MME: variants seen among roughly 807,000 people sequenced by gnomAD.
The protein encoded by MME is neprilysin.
In MME, 98 loss-of-function variants were observed where a neutral mutation model predicts 113.2. The observed-to-expected ratio is 0.87, with a 90% CI of 0.74 to 1.02. The LOEUF is 1.02. MME is among the 50% of genes least tolerant of loss of function. The pLI, the probability that MME is intolerant of heterozygous loss-of-function variation, is 0.00. For synonymous variants in MME, 292 were observed against 300.6 expected (o/e 0.97, Z 0.30); for missense variants, 836 against 896.0 (o/e 0.93, Z 0.86).
chr3:155,178,579 G>A (rs905763241), intron 22 of MME, among the ~76,000 whole-genome samples: 3 of 152,040 alleles, frequency 2.0e-5, no homozygotes, highest in South Asian at 2.1e-4. Context: ...GGACTTTGGG[G>A]GTGCAGCAGT....
At position 155,070,783 on chromosome 3, in the gene MME, C is replaced by G. The variant is rs561895179; in HGVS notation, c.-10-13375C>G. Among the ~76,000 whole-genome samples the G allele has an allele frequency of 2.6e-5, 4 of 152,288 alleles. 1 individual carries two copies. The South Asian group carries it at 8.3e-4, about 32-fold the overall frequency. The stretch of plus-strand genomic sequence containing the variant: ...TTAGAAGACGCATTTCTTCACCTTG[C>G]TTGTCCTAGTTTTGATTATCTGGAA... On this transcript the variant is annotated intron_variant, in intron 1 of 22. Transcript: ENST00000492661.
chr3:155,045,461 T>G (rs966285882), intron 1 of MME, among the ~76,000 whole-genome samples: 1 of 152,086 alleles, frequency 6.6e-6, no homozygotes, highest in South Asian at 2.1e-4. Context: ...AAAAATACTT[T>G]TAAGTATTTT....
chr3:155,110,164 G>A (rs1217008090), intron 3 of MME, among the ~76,000 whole-genome samples: 3 of 152,326 alleles, frequency 2.0e-5, no homozygotes, highest in Non-Finnish European at 4.4e-5. Context: ...ACTTGAAAAG[G>A]ACTGGAAAGG....
In MME at chr3:155,044,934, A is replaced by AT. The variant is rs74270351; in HGVS notation, c.-11+20624dup. Among the ~76,000 whole-genome samples, 1,254 of 144,288 alleles carry AT rather than the reference A, an allele frequency of 8.7e-3. 11 individuals are homozygous for AT. Among genetic ancestry groups the AT allele is most frequent in the South Asian group, 0.048 (220 of 4,584 alleles). 94.7% of individuals were successfully genotyped at this position (144,288 alleles called of 152,430 possible). ...ATAGTGTAAGTGAGCTTGGTCTGCA[A>AT]TTTTTTTTTTTTTTGGTGGGAAGTC... On this transcript the variant is annotated intron_variant, in intron 1 of 22. Transcript: ENST00000492661.
In MME at chr3:155,138,092, T is replaced by A; in HGVS notation, c.721-10T>A. The stretch of plus-strand genomic sequence containing the variant: ...TACTCCAACAGTTTAGTGCTATTTT[T>A]TTCTTGCAGGCTTGTACAGCATATG... On this transcript the variant is annotated splice_polypyrimidine_tract_variant and intron_variant, in intron 8 of 22. Transcript: ENST00000360490. 1 of 1,613,680 alleles carries A rather than the reference T, an allele frequency of 6.2e-7. No individual in the cohort carries two copies. The highest frequency in any genetic ancestry group is 8.5e-7 in the Non-Finnish European group (1 of 1,179,712).
intron 1 of MME, among the ~76,000 whole-genome samples, chr3:155,061,263 T>C (rs1410294249): frequency 6.6e-6 from 1 of 151,986 alleles, no homozygotes; most frequent in African/African-American, 2.4e-5. Flanking sequence ...CCATCCTGGC[T>C]AACATGGTGA....
At chr3:155,027,034 C>T (rs906366182) in intron 1 of MME, among the ~76,000 whole-genome samples, 16 of 152,304 alleles carry the variant, frequency 1.1e-4, no homozygotes, top group African/African-American at 3.6e-4. Flanking sequence ...ATTTTGCAAG[C>T]ACCTCAATTT....
intron 1 of MME, among the ~76,000 whole-genome samples, chr3:155,033,139 A>G (rs1008563294): frequency 3.3e-5 from 5 of 152,200 alleles, no homozygotes; most frequent in African/African-American, 1.2e-4. Flanking sequence ...AGTCATTTAC[A>G]GAACAAGAAC....
At chr3:155,063,263 T>TAC (rs1304053432) in intron 1 of MME, among the ~76,000 whole-genome samples, 1 of 115,922 alleles carries the variant, frequency 8.6e-6, no homozygotes, top group East Asian at 2.4e-4. Context: ...ACATATAATG[T>TAC]ATATTATTTA....
Position 155,113,294 on chromosome 3 carries a change from A to G in MME, c.197-1700A>G, listed in dbSNP as rs533688540. On this transcript the variant is annotated intron_variant, in intron 3 of 22. Coordinates refer to ENST00000360490, the MANE Select transcript of MME (RefSeq NM_007289.4). Reference sequence around the variant, plus strand: ...ACACCAAGCTAAAGATTTTATTTTTATTTCTGAGATAGTCTCTCTCTGTCA... The same window carrying G: ...ACACCAAGCTAAAGATTTTATTTTTGTTTCTGAGATAGTCTCTCTCTGTCA... 2.9e-4 allele frequency among the ~76,000 whole-genome samples: 44 copies of G among 152,204 alleles called. 2 individuals carry two copies. The South Asian group carries it at 8.3e-3, about 29-fold the overall frequency.
At chr3:155,172,256 G>A (rs368305041) in intron 21 of MME, 44 bp downstream of exon 21, 2 of 1,338,654 alleles carry the variant, frequency 1.5e-6, no homozygotes, top group African/African-American at 2.9e-5. Context: ...ACCATTTTGA[G>A]TTATAATTTC....
At position 155,084,060 on chromosome 3, in the gene MME, T is replaced by C. The variant is rs1336281087; in HGVS notation, c.-10-98T>C. On this transcript the variant is annotated intron_variant, in intron 1 of 22. Transcript: ENST00000360490. ...GCAAAAATGTATTTCTATTTTAAAA[T>C]AACTGAGCCTTTTACTTTTATCCAG... 5 of 1,122,712 alleles carry C rather than the reference T, an allele frequency of 4.5e-6. No individual in the cohort carries two copies. The African/African-American group carries it at 6.3e-5, about 14-fold the overall frequency. The allele number at this position is 1,122,712 out of a possible 1,614,324, so 69.5% of individuals were successfully genotyped here.
At chr3:155,176,485 CT>C (rs947796800) in intron 22 of MME, among the ~76,000 whole-genome samples, 3 of 152,048 alleles carry the variant, frequency 2.0e-5, no homozygotes, top group Non-Finnish European at 4.4e-5. Flanking sequence ...TGTGATCTCA[CT>C]CTTAGAAAAA....
intron 17 of MME, among the ~76,000 whole-genome samples, chr3:155,164,454 A>C (rs895609316): frequency 2.2e-4 from 33 of 152,154 alleles, no homozygotes; most frequent in African/African-American, 8.0e-4. Context: ...TAGTGGGGAA[A>C]ATCCTCCTTA....
chr3:155,168,876 C>T (rs554327167), intron 20 of MME, 79 bp downstream of exon 20: 1 of 1,274,192 alleles, frequency 7.8e-7, no homozygotes, highest in East Asian at 2.4e-5. Context: ...AAACCTTTTG[C>T]AAAAAAAGAA....
intron 18 of MME, among the ~76,000 whole-genome samples, chr3:155,168,036 G>A (rs1711522090): frequency 6.6e-6 from 1 of 152,146 alleles, no homozygotes; most frequent in Non-Finnish European, 1.5e-5. Flanking sequence ...GGAAGCTGTA[G>A]GAGAAAAAGA....
At chr3:155,058,995 G>A (rs1166843757) in intron 1 of MME, among the ~76,000 whole-genome samples, 1 of 152,082 alleles carries the variant, frequency 6.6e-6, no homozygotes, top group Non-Finnish European at 1.5e-5. Context: ...AGGTGTGGTG[G>A]CTCATGCCTG....
upstream of MME, among the ~76,000 whole-genome samples, chr3:155,078,045 TACACACACACACAC>T (rs34585642): frequency 2.1e-5 from 3 of 139,760 alleles, no homozygotes; most frequent in South Asian, 2.3e-4. Context: ...AAAGTAAAAG[TACACACACACACAC>T]ACACACACAC....
chr3:155,173,867 A>G (rs965143779), intron 22 of MME, among the ~76,000 whole-genome samples: 1 of 152,080 alleles, frequency 6.6e-6, no homozygotes, highest in Non-Finnish European at 1.5e-5. Context: ...AGTTCCAACC[A>G]TGGCTTCACC....
Sources: allele counts gnomAD v4.1 joint callset (sites outside exome capture counted in the v4.1 genomes callset), GRCh38; gene constraint gnomAD v4.1.1; transcripts MANE v1.5; gene names NCBI Gene and HGNC (gene_info 2026-07-23, HGNC 2026-07-21).